The following GALNT13 variants were observed in gnomAD, a reference collection of about 807,000 sequenced individuals.
The protein encoded by GALNT13 is UDP-GalNAc:polypeptide N-acetylgalactosaminyltransferase 13.
Under a neutral mutation model 64.2 loss-of-function variants are expected in GALNT13, and 28 were observed. The ratio of observed to expected loss-of-function variants is 0.44; its 90% CI spans 0.32 to 0.60. The LOEUF (loss-of-function observed/expected upper bound fraction) is 0.60, where lower values mean the gene tolerates loss of function less well. Among genes scored for constraint, GALNT13 ranks in the 20% least tolerant of loss-of-function variants. The pLI is 0.05. For missense variants in GALNT13, 577 were observed against 669.8 expected, an observed-to-expected ratio of 0.86 and a Z score of 1.53; for synonymous variants, 214 against 224.6, an observed-to-expected ratio of 0.95 and a Z score of 0.42.
At chr2:154,370,088 C>G (rs1029040877) in intron 9 of GALNT13, among the ~76,000 whole-genome samples, 2 of 151,974 alleles carry the variant, frequency 1.3e-5, no homozygotes, top group African/African-American at 2.4e-5. Flanking sequence ...CTGAAAGACT[C>G]TATTTTCAAA....
chr2:153,069,516 C>T, the GALNT13 span, among the ~76,000 whole-genome samples: 28 of 152,084 alleles, frequency 1.8e-4, no homozygotes, highest in African/African-American at 5.6e-4. Flanking sequence ...TCATCTCAAT[C>T]GCCTTTGATC....
chr2:154,321,195 T>C (rs1248463065), intron 9 of GALNT13, among the ~76,000 whole-genome samples: 1 of 152,066 alleles, frequency 6.6e-6, no homozygotes, highest in Non-Finnish European at 1.5e-5. Flanking sequence ...ACCATGGTGT[T>C]GTAATTCAGG....
the GALNT13 span, among the ~76,000 whole-genome samples, chr2:153,846,567 C>A: frequency 6.6e-6 from 1 of 152,028 alleles, no homozygotes; most frequent in Non-Finnish European, 1.5e-5. Flanking sequence ...AATGTAAATG[C>A]TCTAACAAAT....
At chr2:153,587,610 C>T in the GALNT13 span, among the ~76,000 whole-genome samples, 2 of 152,144 alleles carry the variant, frequency 1.3e-5, no homozygotes, top group Non-Finnish European at 2.9e-5. Context: ...ATGGAAAAGA[C>T]CTTCCTCCAT....
At chr2:154,258,915 AT>A in intron 7 of GALNT13, 105 bp from the exon 8 acceptor site, 1 of 614,874 alleles carries the variant, frequency 1.6e-6, no homozygotes, top group Non-Finnish European at 2.9e-6. Context: ...TTAGTTTGAG[AT>A]TTTTTAAATA....
chr2:153,308,769 A>T, the GALNT13 span, among the ~76,000 whole-genome samples: 4 of 152,156 alleles, frequency 2.6e-5, no homozygotes, highest in African/African-American at 9.6e-5. Flanking sequence ...TTAATGTATG[A>T]TATTTTTGCT....
the GALNT13 span, among the ~76,000 whole-genome samples, chr2:153,753,834 G>A: frequency 0.013 from 1,904 of 152,290 alleles, 42 homozygotes; most frequent in African/African-American, 0.042. Context: ...AGGTTTAGAG[G>A]TGTCATCCAG....
At chr2:153,542,774 GT>G in the GALNT13 span, among the ~76,000 whole-genome samples, 1 of 152,216 alleles carries the variant, frequency 6.6e-6, no homozygotes, top group African/African-American at 2.4e-5. Context: ...TCTGACAAAA[GT>G]TTGGTCAAGC....
chr2:154,103,249 G>A (rs1474233215), intron 3 of GALNT13, among the ~76,000 whole-genome samples: 2 of 152,022 alleles, frequency 1.3e-5, no homozygotes, highest in Admixed American at 1.3e-4. Context: ...TGGTCTTCAA[G>A]TTCTTAAATT....
At chr2:153,318,235 A>G in the GALNT13 span, among the ~76,000 whole-genome samples, 1 of 151,954 alleles carries the variant, frequency 6.6e-6, no homozygotes, top group African/African-American at 2.4e-5. Flanking sequence ...TGGCTTGGAA[A>G]TTCAGCTCCT....
intron 3 of GALNT13, among the ~76,000 whole-genome samples, chr2:154,014,089 C>A (rs927588738): frequency 2.0e-5 from 3 of 152,164 alleles, no homozygotes; most frequent in Non-Finnish European, 4.4e-5. Context: ...GAAACATGGG[C>A]AGGACCGCCC....
the GALNT13 span, among the ~76,000 whole-genome samples, chr2:153,591,799 C>A: frequency 2.6e-5 from 4 of 152,008 alleles, no homozygotes; most frequent in African/African-American, 9.6e-5. Flanking sequence ...TTCAAAAGCA[C>A]AGGCAATAAA....
At chr2:153,869,734 T>C (rs1457907278), upstream of GALNT13, among the ~76,000 whole-genome samples, 1 of 152,204 alleles carries the variant, frequency 6.6e-6, no homozygotes, top group South Asian at 2.1e-4. Flanking sequence ...TAGTATATTA[T>C]AAAAACAGCC....
chr2:154,410,375 A>T (rs1458004084), intron 11 of GALNT13, among the ~76,000 whole-genome samples: 1 of 151,956 alleles, frequency 6.6e-6, no homozygotes, highest in Non-Finnish European at 1.5e-5. Flanking sequence ...TCATAAAGAA[A>T]CCAAAAACTT....
At chr2:153,748,865 C>A in the GALNT13 span, among the ~76,000 whole-genome samples, 3 of 151,248 alleles carry the variant, frequency 2.0e-5, no homozygotes, top group Non-Finnish European at 4.4e-5. Context: ...TATAATGATA[C>A]CTGGAAAAAA....
At chr2:153,345,192 A>C in the GALNT13 span, among the ~76,000 whole-genome samples, 2 of 152,122 alleles carry the variant, frequency 1.3e-5, no homozygotes, top group African/African-American at 4.8e-5. Flanking sequence ...TATGAGCTTC[A>C]TGTATAAATT....
chr2:153,780,254 T>G, the GALNT13 span, among the ~76,000 whole-genome samples: 1 of 62,594 alleles, frequency 1.6e-5, no homozygotes, highest in Admixed American at 1.7e-4. Flanking sequence ...TATATATATA[T>G]ATATGCATAT....
the GALNT13 span, among the ~76,000 whole-genome samples, chr2:153,637,465 C>A: frequency 1.3e-5 from 2 of 151,956 alleles, no homozygotes; most frequent in East Asian, 3.9e-4. Flanking sequence ...TACTGATAAA[C>A]CTCTCTAGAT....
chr2:153,205,035 T>A, the GALNT13 span, among the ~76,000 whole-genome samples: 2 of 152,192 alleles, frequency 1.3e-5, no homozygotes, highest in Admixed American at 1.3e-4. Flanking sequence ...TGCTTCAGAT[T>A]TTTTGTGATG....
Sources: allele counts gnomAD v4.1 joint callset (sites outside exome capture counted in the v4.1 genomes callset), GRCh38; gene constraint gnomAD v4.1.1; transcripts MANE v1.5; gene names NCBI Gene and HGNC (gene_info 2026-07-23, HGNC 2026-07-21).